The following GALNT17 variants were observed in gnomAD, a reference collection of about 807,000 sequenced individuals.
The protein encoded by GALNT17 is polypeptide N-acetylgalactosaminyltransferase 17.
Under a neutral mutation model 63.7 loss-of-function variants are expected in GALNT17, and 29 were observed. The ratio of observed to expected loss-of-function variants is 0.46; its 90% CI spans 0.34 to 0.62. The LOEUF is 0.62. Among genes scored for constraint, GALNT17 ranks in the 20% least tolerant of loss-of-function variants. The probability of loss-of-function intolerance (pLI) is 0.01; values close to 1 mark genes in which losing one functional copy is unlikely to be tolerated. For missense variants in GALNT17, 603 were observed against 799.6 expected, an observed-to-expected ratio of 0.75 and a Z score of 2.97; for synonymous variants, 305 against 318.3, an observed-to-expected ratio of 0.96 and a Z score of 0.45.
rs1790440625 is a variant in GALNT17, at chr7:71,630,567, C to T, written c.1081-34844C>T. Reference sequence around the variant, plus strand: ...TCATTGATGCTTGTTAGGATTGATACCCATTTAGTGGACAATCTCATCAAT... The same window carrying T: ...TCATTGATGCTTGTTAGGATTGATATCCATTTAGTGGACAATCTCATCAAT... On this transcript the variant is annotated intron_variant, in intron 6 of 10. Transcript: ENST00000333538. Among the ~76,000 whole-genome samples the T allele has an allele frequency of 4.6e-5, 7 of 152,156 alleles. 1 individual carries two copies. The South Asian group carries it at 1.5e-3, about 32-fold the overall frequency.
At chr7:71,309,994 T>A (rs1791387517) in intron 1 of GALNT17, among the ~76,000 whole-genome samples, 1 of 152,120 alleles carries the variant, frequency 6.6e-6, no homozygotes, top group Admixed American at 6.6e-5. Context: ...AGCGAATAAG[T>A]CTCACAAGAT....
At chr7:71,223,159 A>G (rs1463313841) in intron 1 of GALNT17, among the ~76,000 whole-genome samples, 1 of 152,144 alleles carries the variant, frequency 6.6e-6, no homozygotes, top group Non-Finnish European at 1.5e-5. Context: ...TGTAATTAAT[A>G]TATACTCGGA....
At position 71,158,768 on chromosome 7, in the gene GALNT17, G is replaced by A. The variant is rs563032712; in HGVS notation, c.238+25728G>A. ...ATTTTTGTATTTTTAGTAGAGATGG[G>A]GTTTCACCGTGTTAGCCAGGATGGT... On this transcript the variant is annotated intron_variant, in intron 1 of 10. Coordinates refer to ENST00000333538, the MANE Select transcript of GALNT17 (RefSeq NM_022479.3). Among the ~76,000 whole-genome samples the A allele has an allele frequency of 4.5e-4, 68 of 151,672 alleles. 1 individual carries two copies. Among genetic ancestry groups the A allele is most frequent in the African/African-American group, 1.6e-3 (67 of 41,090 alleles).
rs1165637259 is a variant in GALNT17 at position 71,143,279 on chromosome 7, G to A, written c.238+10239G>A. Among the ~76,000 whole-genome samples the A allele has an allele frequency of 2.0e-5, 3 of 151,708 alleles. No homozygotes were observed. In the East Asian group the frequency reaches 5.9e-4, roughly 30 times the overall value. Reference sequence around the variant, plus strand: ...TCTACTAAAAGTACAAAAATTAGCCGGGTGTGGTGGCGGGCACCCGTCATC... The same window carrying A: ...TCTACTAAAAGTACAAAAATTAGCCAGGTGTGGTGGCGGGCACCCGTCATC... On this transcript the variant is annotated intron_variant, in intron 1 of 10. Transcript: ENST00000333538.
intron 5 of GALNT17, among the ~76,000 whole-genome samples, chr7:71,443,763 T>C (rs183302487): frequency 3.2e-4 from 48 of 152,100 alleles, no homozygotes; most frequent in African/African-American, 1.1e-3. Context: ...TCGCTCTTGT[T>C]GCCCAGGCTG....
intron 1 of GALNT17, among the ~76,000 whole-genome samples, chr7:71,223,795 T>C (rs114576592): frequency 2.9e-3 from 444 of 152,276 alleles, no homozygotes; most frequent in African/African-American, 0.01. Context: ...CTCCCACTTA[T>C]TAGTGAGAAC....
intron 1 of GALNT17, among the ~76,000 whole-genome samples, chr7:71,305,684 C>T (rs144247775): frequency 5.1e-4 from 78 of 152,260 alleles, no homozygotes; most frequent in African/African-American, 1.8e-3. Context: ...GCGGGGTCAG[C>T]AGTAAAGGAC....
intron 1 of GALNT17, among the ~76,000 whole-genome samples, chr7:71,221,560 G>A (rs544372382): frequency 1.3e-5 from 2 of 152,092 alleles, no homozygotes; most frequent in South Asian, 4.2e-4. Context: ...CCTGTCTGCA[G>A]TCTCCTTTTG....
chr7:71,693,305 C>CATATATATAT lies in GALNT17; in HGVS notation c.1500+16000_1500+16001insTATATATATA, dbSNP rs1375479092. ...ACACACACACACACACACACACACACACACATATATATATATGGAGACAAG... is the reference window on the plus strand; with the variant it reads ...ACACACACACACACACACACACACACATATATATATACACATATATATATATGGAGACAAG... On this transcript the variant is annotated intron_variant, in intron 9 of 10. Transcript: ENST00000333538. 6.3e-5 allele frequency among the ~76,000 whole-genome samples: 8 copies of CATATATATAT among 126,078 alleles called. 1 individual carries two copies. The highest frequency in any genetic ancestry group is 9.8e-4 in the East Asian group (2 of 2,048). The allele number at this position is 126,078 out of a possible 152,430, so 82.7% of individuals were successfully genotyped here.
chr7:71,244,610 T>A (rs1212041538), intron 1 of GALNT17, among the ~76,000 whole-genome samples: 1 of 152,152 alleles, frequency 6.6e-6, no homozygotes, highest in Non-Finnish European at 1.5e-5. Context: ...GTGACAACTT[T>A]GTGGAAATGA....
At chr7:71,421,300 GT>G (rs1202400589) in intron 5 of GALNT17, among the ~76,000 whole-genome samples, 195 bp downstream of exon 5, 1 of 152,192 alleles carries the variant, frequency 6.6e-6, no homozygotes, top group Non-Finnish European at 1.5e-5. Context: ...TTTATGTAAA[GT>G]TTTCAAGTGC....
At chr7:71,256,377 C>T (rs368130916) in intron 1 of GALNT17, among the ~76,000 whole-genome samples, 17 of 152,276 alleles carry the variant, frequency 1.1e-4, no homozygotes, top group African/African-American at 4.1e-4. Context: ...TTGAGACCAG[C>T]CTGGCCAACA....
chr7:71,514,250 A>G (rs1344531760), intron 5 of GALNT17, among the ~76,000 whole-genome samples: 1 of 152,152 alleles, frequency 6.6e-6, no homozygotes, highest in Non-Finnish European at 1.5e-5. Flanking sequence ...TATGACTCTA[A>G]GAGGCATTAT....
At chr7:71,473,872 T>A (rs1787681909) in intron 5 of GALNT17, among the ~76,000 whole-genome samples, 1 of 152,148 alleles carries the variant, frequency 6.6e-6, no homozygotes, top group Non-Finnish European at 1.5e-5. Flanking sequence ...GGTTCTTGGA[T>A]CTCACAAAAG....
chr7:71,270,291 T>C (rs941976287), intron 1 of GALNT17, among the ~76,000 whole-genome samples: 5 of 151,890 alleles, frequency 3.3e-5, no homozygotes, highest in Admixed American at 1.3e-4. Context: ...TTTTTTATTA[T>C]AGAATGCAGA....
Position 71,596,183 on chromosome 7 carries a change from T to C in GALNT17, c.1080+24781T>C, listed in dbSNP as rs369758864. The stretch of plus-strand genomic sequence containing the variant: ...CCTCCCAAGTAGCTGGGATTACAGG[T>C]GCCCACCACCACTCCCAGCTAATTT... On this transcript the variant is annotated intron_variant, in intron 6 of 10. Coordinates refer to ENST00000333538, the MANE Select transcript of GALNT17 (RefSeq NM_022479.3). 2.2e-4 allele frequency among the ~76,000 whole-genome samples: 33 copies of C among 152,036 alleles called. No individual in the cohort carries two copies. In the East Asian group the frequency reaches 3.7e-3, roughly 17 times the overall value.
chr7:71,441,943 ATGTGTG>A (rs561781480), intron 5 of GALNT17, among the ~76,000 whole-genome samples: 1 of 151,650 alleles, frequency 6.6e-6, no homozygotes, highest in East Asian at 1.9e-4. Flanking sequence ...CAATAAACGT[ATGTGTG>A]TGTGTGTGTC....
chr7:71,497,404 G>C (rs190733041), intron 5 of GALNT17, among the ~76,000 whole-genome samples: 1 of 152,296 alleles, frequency 6.6e-6, no homozygotes, highest in East Asian at 1.9e-4. Context: ...GTCGAAGGCT[G>C]TCTTCTCTCT....
At chr7:71,312,144 T>G (rs930767286) in intron 1 of GALNT17, among the ~76,000 whole-genome samples, 3 of 152,216 alleles carry the variant, frequency 2.0e-5, no homozygotes, top group Non-Finnish European at 4.4e-5. Flanking sequence ...TGGTTATAAG[T>G]ATTACTGTAA....
Sources: allele counts gnomAD v4.1 joint callset (sites outside exome capture counted in the v4.1 genomes callset), GRCh38; gene constraint gnomAD v4.1.1; transcripts MANE v1.5; gene names NCBI Gene and HGNC (gene_info 2026-07-23, HGNC 2026-07-21).